Variants in NBEAL2 observed in about 807,000 individuals in gnomAD.
NBEAL2 encodes neurobeachin-like protein 2.
NBEAL2 carries 160 observed loss-of-function variants against 299.8 expected under a neutral mutation model. That is an observed-to-expected ratio of 0.53 (90% confidence interval 0.47 to 0.61). The LOEUF (loss-of-function observed/expected upper bound fraction) is 0.61, where lower values mean the gene tolerates loss of function less well. NBEAL2 is among the 20% of genes least tolerant of loss of function. The pLI is 0.00. For synonymous variants in NBEAL2, 1,493 were observed against 1,542.3 expected (o/e 0.97, Z 0.75); for missense variants, 3,112 against 3,649.0 (o/e 0.85, Z 3.79).
Position 47,001,986 on chromosome 3 carries a change from G to T in NBEAL2, c.4849G>T (p.Glu1617Ter). 1 of 1,606,778 alleles carries T rather than the reference G, an allele frequency of 6.2e-7. No individual in the cohort carries two copies. Among genetic ancestry groups the T allele is most frequent in the Non-Finnish European group, 8.5e-7 (1 of 1,176,976 alleles). The change falls in exon 31 of 54, where the codon GAG (glutamate) becomes TAG (stop). Residue 1617 changes from glutamate (E) to a stop codon, truncating the protein, a stop_gained. Transcript: ENST00000450053. LOFTEE classifies it high-confidence loss of function. The surrounding 1 kb of genome is among the most constrained non-coding windows in gnomAD (Gnocchi z 6.1). ...GACTGCAGTGCCAGCCCGCCGCGAGGAGGCCTGCTATGTGCTCTCCAAGCT... is the reference window on the plus strand; with the variant it reads ...GACTGCAGTGCCAGCCCGCCGCGAGTAGGCCTGCTATGTGCTCTCCAAGCT... ...LQTAVPARREEACYVLSKLEA... is the reference protein window; with the variant it reads ...LQTAVPARRE
intron 11 of NBEAL2, 106 bp downstream of exon 11, chr3:46,994,126 A>C (rs897436588): frequency 4.2e-6 from 5 of 1,178,666 alleles, no homozygotes; most frequent in Non-Finnish European, 6.1e-6. Context: ...TGCTCCCTGG[A>C]GCAAAGCAGG....
chr3:46,999,090 G>T lies in NBEAL2; in HGVS notation c.3516G>T (p.Leu1172=). ...CCCTGCTAGTGCGGCCAGGGTCACT[G>T]CCCCTGCTGCCCGATCGAGTCTGCA... ...LLALLVRPGS[L]PLLPDRVCKI... is the part of the protein sequence containing the mutation. The change falls in exon 24 of 54, where the codon CTG becomes CTT. Residue 1172 remains leucine (L), a synonymous_variant. Coordinates refer to ENST00000450053, the MANE Select transcript of NBEAL2 (RefSeq NM_015175.3). 6.3e-7 allele frequency: 1 copy of T among 1,585,922 alleles called. No individual in the cohort carries two copies. The highest frequency in any genetic ancestry group is 8.6e-7 in the Non-Finnish European group (1 of 1,166,624).
chr3:47,006,113 G>A, intron 43 of NBEAL2, 50 bp downstream of exon 43: 1 of 1,613,044 alleles, frequency 6.2e-7, no homozygotes, highest in African/African-American at 1.3e-5. Flanking sequence ...ATCAGGTCGG[G>A]TGGATGCAGA....
At position 46,997,600 on chromosome 3, in the gene NBEAL2, T is replaced by G; in HGVS notation, c.2864T>G (p.Leu955Arg). 2 of 1,600,418 alleles carry G rather than the reference T, an allele frequency of 1.2e-6. No homozygotes were observed. Among genetic ancestry groups the G allele is most frequent in the Non-Finnish European group, 1.7e-6 (2 of 1,169,820 alleles). The change falls in exon 20 of 54, where the codon CTG (leucine) becomes CGG (arginine). Residue 955 changes from leucine to arginine, a missense_variant. This residue lies in a region of NBEAL2 where 2,243 missense variants were observed against 2,538.1 expected (regional missense o/e 0.88). Transcript: ENST00000450053. ...MERNAVAAFL[L>R]MLRNFLQGHM... ...AGGAACGCAGTGGCTGCTTTTCTGCTGATGCTGCGGAACTTCCTTCAGGGT... is the reference window on the plus strand; with the variant it reads ...AGGAACGCAGTGGCTGCTTTTCTGCGGATGCTGCGGAACTTCCTTCAGGGT...
intron 1 of NBEAL2, among the ~76,000 whole-genome samples, chr3:46,984,179 G>A (rs1267326102): frequency 6.6e-6 from 1 of 151,738 alleles, no homozygotes; most frequent in Non-Finnish European, 1.5e-5. Context: ...GATGGCGAGT[G>A]CCTGTAGTCC....
Position 47,005,497 on chromosome 3 carries a change from G to C in NBEAL2, c.6569G>C (p.Cys2190Ser). ...CCGTGCCCCTCCCCCAGCTTTGACT[G>C]CTCCGACCGGCAGTTCCACTCGGTG... The part of the protein sequence containing the change: ...HVQLQSGRFD[C>S]SDRQFHSVAA... Residue 2190 changes from cysteine (C) to serine (S), a missense_variant, in exon 41 of 54, where the codon TGC becomes TCC. By Grantham distance (112) the Cys-to-Ser change is moderately radical. Coordinates refer to ENST00000450053, the MANE Select transcript of NBEAL2 (RefSeq NM_015175.3). 6.2e-7 allele frequency: 1 copy of C among 1,611,354 alleles called. No homozygotes were observed. The highest frequency in any genetic ancestry group is 8.5e-7 in the Non-Finnish European group (1 of 1,178,962).
intron 1 of NBEAL2, among the ~76,000 whole-genome samples, chr3:46,985,147 G>C (rs900010094): frequency 6.6e-6 from 1 of 152,172 alleles, no homozygotes; most frequent in Admixed American, 6.5e-5. Context: ...GCAGACCTGT[G>C]GGGGTAGAGA....
Position 47,004,874 on chromosome 3 carries a change from C to T in NBEAL2, c.6295-98C>T. The T allele has an allele frequency of 2.6e-6, 4 of 1,515,222 alleles. No homozygotes were observed. The highest frequency in any genetic ancestry group is 3.6e-6 in the Non-Finnish European group (4 of 1,124,878). The allele number at this position is 1,515,222 out of a possible 1,614,324, so 93.9% of individuals were successfully genotyped here. A position where few individuals can be genotyped will look rare whatever the true frequency, so the allele number is the denominator to read the frequency against. ...AAGTGGTGCTCCCCCAACCTGTGGG[C>T]AGGCTCTGTGCCCGCCTTCTTGAGG... is the stretch of plus-strand genomic sequence containing the variant. On this transcript the variant is annotated intron_variant, in intron 38 of 53. Transcript: ENST00000450053. The surrounding 1 kb of genome is among the most constrained non-coding windows in gnomAD (Gnocchi z 5.0).
rs2036646687 is a variant in NBEAL2 at position 46,998,202 on chromosome 3, C to T, written c.3094C>T (p.Leu1032Phe). The change falls in exon 21 of 54, where the codon CTC becomes TTC. Residue 1032 changes from leucine to phenylalanine, a missense_variant. Physicochemically the swap from Leu to Phe is conservative, Grantham distance 22 (BLOSUM62 0). Around this residue, in one of 3 missense-constraint regions of NBEAL2, gnomAD observed 2,243 missense variants for 2,538.1 expected, o/e 0.88. Coordinates refer to ENST00000450053, the MANE Select transcript of NBEAL2 (RefSeq NM_015175.3). Reference protein sequence around the residue: ...HLLFNFHLWTLSDFAVRLGHI... With the variant: ...HLLFNFHLWTFSDFAVRLGHI... Reference sequence around the variant, plus strand: ...GCTCTTCAACTTTCACCTCTGGACCCTCAGTGACTTCGCCGTGCGCCTCGG... The same window carrying T: ...GCTCTTCAACTTTCACCTCTGGACCTTCAGTGACTTCGCCGTGCGCCTCGG... 1.2e-6 allele frequency: 2 copies of T among 1,610,660 alleles called. No homozygotes were observed. Among genetic ancestry groups the T allele is most frequent in the Non-Finnish European group, 1.7e-6 (2 of 1,178,656 alleles).
chr3:46,994,702 C>T (rs1424120188), intron 12 of NBEAL2, 149 bp downstream of exon 12: 1 of 755,276 alleles, frequency 1.3e-6, no homozygotes, highest in South Asian at 1.8e-5. Flanking sequence ...CTGTTAGTGT[C>T]ACTGGAATGA....
In NBEAL2 at chr3:46,988,863, G is replaced by A. The variant is rs1224805945; in HGVS notation, c.162G>A (p.Glu54=). Residue 54 remains glutamate (E), a synonymous_variant, in exon 3 of 54, where the codon GAG becomes GAA. Transcript: ENST00000450053. This position sits in a 1 kb window ranked among gnomAD's most constrained non-coding sequence, Gnocchi z 4.4. ...EPRRPEEAGA[E]VPLLPLDELH... ...GCAGGCCAGAGGAGGCAGGTGCAGA[G>A]GTCCCGCTGCTACCACTGGATGAGC... 1.9e-6 allele frequency: 3 copies of A among 1,610,252 alleles called. No individual in the cohort carries two copies. In the South Asian group the frequency reaches 3.3e-5, roughly 18 times the overall value.
chr3:46,989,197 G>A lies in NBEAL2; in HGVS notation c.351+31G>A. 1 of 1,613,472 alleles carries A rather than the reference G, an allele frequency of 6.2e-7. No individual in the cohort carries two copies. Among genetic ancestry groups the A allele is most frequent in the Non-Finnish European group, 8.5e-7 (1 of 1,179,634 alleles). On this transcript the variant is annotated intron_variant, in intron 4 of 53. Transcript: ENST00000450053. The surrounding 1 kb of genome is among the most constrained non-coding windows in gnomAD (Gnocchi z 5.5). ...GTGGCCTCTACCTTGGGGGGCAGAG[G>A]GTGTATGCAGGGAGGCAGGCGGTAG...
Position 46,989,698 on chromosome 3 carries a change from A to G in NBEAL2, c.556+105A>G, listed in dbSNP as rs1237896400. The G allele has an allele frequency of 4.9e-6, 5 of 1,028,540 alleles. No homozygotes were observed. Among genetic ancestry groups the G allele is most frequent in the Admixed American group, 2.0e-5 (1 of 49,580 alleles). The allele number at this position is 1,028,540 out of a possible 1,614,324, so 63.7% of individuals were successfully genotyped here. A position where few individuals can be genotyped will look rare whatever the true frequency, so the allele number is the denominator to read the frequency against. ...ACAGGAACCACTTGGTGGTGGCTGC[A>G]TGCAGGACTGGGAGAACCAAAGACC... On this transcript the variant is annotated intron_variant, in intron 6 of 53. Coordinates refer to ENST00000450053, the MANE Select transcript of NBEAL2 (RefSeq NM_015175.3). The surrounding 1 kb of genome is among the most constrained non-coding windows in gnomAD (Gnocchi z 5.5).
chr3:46,994,463 T>G lies in NBEAL2; in HGVS notation c.1206T>G (p.Phe402Leu). The change falls in exon 12 of 54, where the codon TTT becomes TTG. Residue 402 changes from phenylalanine to leucine, a missense_variant. Phe to Leu is a conservative substitution (Grantham distance 22). Coordinates refer to ENST00000450053, the MANE Select transcript of NBEAL2 (RefSeq NM_015175.3). ...MSDSPSAKEVFKERIGYPHLQ... is the reference protein window; with the variant it reads ...MSDSPSAKEVLKERIGYPHLQ... ...CATACTACCTTACACAGGAGGTGTT[T>G]AAGGAGCGCATCGGCTACCCTCACC... is the stretch of plus-strand genomic sequence containing the variant. 1.3e-6 allele frequency: 2 copies of G among 1,592,328 alleles called. No individual in the cohort carries two copies. The highest frequency in any genetic ancestry group is 1.7e-6 in the Non-Finnish European group (2 of 1,167,646).
Position 46,991,416 on chromosome 3 carries a change from A to G in NBEAL2, c.653A>G (p.Gln218Arg), listed in dbSNP as rs750696861. 10 of 1,606,174 alleles carry G rather than the reference A, an allele frequency of 6.2e-6. No individual in the cohort carries two copies. Among genetic ancestry groups the G allele is most frequent in the Non-Finnish European group, 6.8e-6 (8 of 1,175,158 alleles). ...TGTCCACACCTGCAGGAGAACGGGC[A>G]GATGGCTGTAAGTGATGGCTCTGTG... ...AVLAGGKENG[Q>R]MAVSDGSVKG... The change falls in exon 8 of 54, where the codon CAG (glutamine) becomes CGG (arginine). Residue 218 changes from glutamine (Q) to arginine (R), a missense_variant. Transcript: ENST00000450053. This position sits in a 1 kb window ranked among gnomAD's most constrained non-coding sequence, Gnocchi z 6.2.
chr3:46,992,364 C>A, intron 9 of NBEAL2, 111 bp from the exon 10 acceptor site: 1 of 1,009,034 alleles, frequency 9.9e-7, no homozygotes. Context: ...TTCCCTAGTG[C>A]CGGGCAGGGC....
intron 1 of NBEAL2, among the ~76,000 whole-genome samples, chr3:46,980,290 G>T (rs59321380): frequency 0.075 from 11,409 of 152,268 alleles, 1,424 homozygotes; most frequent in African/African-American, 0.26. Flanking sequence ...AGGAGGCTAG[G>T]GGGAGGGGGA....
chr3:46,994,168 C>T (rs1251853622), intron 11 of NBEAL2, 148 bp downstream of exon 11: 1 of 821,496 alleles, frequency 1.2e-6, no homozygotes, highest in Non-Finnish European at 1.9e-6. Context: ...TGCCCTAAAG[C>T]TCACTGGGCA....
chr3:46,990,865 G>C (rs1267217553), intron 6 of NBEAL2, among the ~76,000 whole-genome samples: 1 of 152,186 alleles, frequency 6.6e-6, no homozygotes, highest in Admixed American at 6.5e-5. Flanking sequence ...CAAGAGATTT[G>C]CATCTGAGAA....
Sources: allele counts gnomAD v4.1 joint callset (sites outside exome capture counted in the v4.1 genomes callset), GRCh38; gene constraint gnomAD v4.1.1; regional missense constraint gnomAD v4.1.1; non-coding constraint Gnocchi (gnomAD v3.1); transcripts MANE v1.5; gene names NCBI Gene and HGNC (gene_info 2026-07-23, HGNC 2026-07-21).